The following SMIM7 variants were observed in gnomAD, a reference collection of about 807,000 sequenced individuals.
The protein encoded by SMIM7 is small integral membrane protein 7.
SMIM7 carries 12 observed loss-of-function variants against 13.3 expected under a neutral mutation model. The observed-to-expected ratio is 0.90, with a 90% CI of 0.58 to 1.46. SMIM7 has a LOEUF of 1.46. SMIM7 is among the 40% of genes most tolerant of loss of function. The probability of loss-of-function intolerance (pLI) is 0.00; values close to 1 mark genes in which losing one functional copy is unlikely to be tolerated. For synonymous variants in SMIM7, 36 were observed against 35.8 expected (o/e 1.01, Z -0.02); for missense variants, 114 against 94.8 (o/e 1.20, Z -0.84).
chr19:16,631,868 G>A (rs2086323794), intron 4 of SMIM7: 1 of 151,690 alleles, frequency 6.6e-6, no homozygotes, highest in Non-Finnish European at 1.5e-5. Context: ...ACAGGCGGGT[G>A]GAATTTTTTT....
At chr19:16,652,976 A>G in intron 4 of SMIM7, 1 of 1,549,942 alleles carries the variant, frequency 6.5e-7, no homozygotes, top group Non-Finnish European at 8.7e-7. Flanking sequence ...TGAGAAAATG[A>G]AAAGCCAGAA....
At position 16,647,435 on chromosome 19, in the gene SMIM7, C is replaced by T. The variant is rs186478994; in HGVS notation, c.213-174G>A. On this transcript the variant is annotated intron_variant, in intron 4 of 4. Transcript: ENST00000487416. ...TGTGAATATAATTAACAATACTGAA[C>T]TACACAGTTAAAAGAAGAATATACT... Among the ~76,000 whole-genome samples the T allele has an allele frequency of 6.1e-4, 93 of 151,666 alleles. No individual in the cohort carries two copies. The South Asian group carries it at 0.013, about 21-fold the overall frequency.
chr19:16,652,752 T>C, intron 4 of SMIM7: 1 of 1,459,538 alleles, frequency 6.9e-7, no homozygotes, highest in Admixed American at 2.7e-5. Context: ...ACATTCGGAG[T>C]CTCAATCACT....
rs533476783 is a variant in SMIM7, at chr19:16,648,840, T to C, written c.213-1579A>G. ...TGGGCAACATAGCGAAACCCAGTAC[T>C]TCTTGTAGAGACAAGAAGTACAAAA... is the stretch of plus-strand genomic sequence containing the variant. On this transcript the variant is annotated intron_variant, in intron 4 of 4. Coordinates refer to ENST00000487416, the MANE Select transcript of SMIM7 (RefSeq NM_024104.4). Among the ~76,000 whole-genome samples, 3 of 151,252 alleles carry C rather than the reference T, an allele frequency of 2.0e-5. No individual in the cohort carries two copies. In the East Asian group the frequency reaches 6.0e-4, roughly 30 times the overall value.
At chr19:16,633,047 G>A (rs185738456) in intron 4 of SMIM7, among the ~76,000 whole-genome samples, 37 of 152,328 alleles carry the variant, frequency 2.4e-4, no homozygotes, top group Middle Eastern at 3.4e-3. Context: ...ACTGTGATTA[G>A]TTCCCCACAA....
At chr19:16,636,830 G>A (rs2086364461) in intron 4 of SMIM7, among the ~76,000 whole-genome samples, 1 of 152,060 alleles carries the variant, frequency 6.6e-6, no homozygotes, top group South Asian at 2.1e-4. Flanking sequence ...GCATGTGCCT[G>A]TAGTCCCAGC....
chr19:16,650,319 A>G (rs1412516372), intron 4 of SMIM7, among the ~76,000 whole-genome samples: 1 of 152,226 alleles, frequency 6.6e-6, no homozygotes, highest in East Asian at 1.9e-4. Context: ...GTTATAGATG[A>G]CAGTGCTACT....
intron 3 of SMIM7, chr19:16,659,181 G>A (rs1403892472): frequency 3.2e-6 from 2 of 619,658 alleles, no homozygotes; most frequent in East Asian, 2.9e-5. Context: ...TACTAAGGGG[G>A]CTGAGGTGGA....
chr19:16,647,032 C>A lies in SMIM7; in HGVS notation c.*214G>T. On this transcript the variant is annotated 3_prime_UTR_variant, in exon 5 of 5. Transcript: ENST00000487416. Reference sequence around the variant, plus strand: ...GAAACCCTTTCAGTAGACAGCATTTCAATTCAGAGACCAAAGTGAAACTAT... The same window carrying A: ...GAAACCCTTTCAGTAGACAGCATTTAAATTCAGAGACCAAAGTGAAACTAT... 1 of 630,906 alleles carries A rather than the reference C, an allele frequency of 1.6e-6. No individual in the cohort carries two copies. Among genetic ancestry groups the A allele is most frequent in the Admixed American group, 2.9e-5 (1 of 34,886 alleles). 39.1% of individuals were successfully genotyped at this position (630,906 alleles called of 1,614,324 possible).
At chr19:16,641,871 GC>G (rs1159517475), downstream of SMIM7, among the ~76,000 whole-genome samples, 1 of 152,186 alleles carries the variant, frequency 6.6e-6, no homozygotes, top group Non-Finnish European at 1.5e-5. Context: ...GTGAGCCACC[GC>G]ACCCGGCTCC....
chr19:16,656,257 G>A (rs571528358), intron 3 of SMIM7, among the ~76,000 whole-genome samples: 4 of 152,240 alleles, frequency 2.6e-5, no homozygotes, highest in Admixed American at 6.5e-5. Flanking sequence ...GCGTGGTGGC[G>A]CGTGCCTGTA....
chr19:16,656,630 C>T (rs961897590), intron 3 of SMIM7, among the ~76,000 whole-genome samples: 3 of 151,282 alleles, frequency 2.0e-5, no homozygotes, highest in Admixed American at 6.6e-5. Context: ...CGGGTGCCGT[C>T]GCTCAAGTCT....
rs1300544300 is a variant in SMIM7 at position 16,646,852 on chromosome 19, G to C, written c.*394C>G. 3.9e-6 allele frequency: 1 copy of C among 257,380 alleles called. No individual in the cohort carries two copies. The highest frequency in any genetic ancestry group is 2.3e-5 in the African/African-American group (1 of 44,146). The allele number at this position is 257,380 out of a possible 1,614,324, so 15.9% of individuals were successfully genotyped here. A position where few individuals can be genotyped will look rare whatever the true frequency, so the allele number is the denominator to read the frequency against. On this transcript the variant is annotated 3_prime_UTR_variant, in exon 5 of 5. Coordinates refer to ENST00000487416, the MANE Select transcript of SMIM7 (RefSeq NM_024104.4). Reference sequence around the variant, plus strand: ...AACAGGGCCCCTGGCCGGGCCCAGAGGCTGTCAGACTCAGCAAGTAACACT... The same window carrying C: ...AACAGGGCCCCTGGCCGGGCCCAGACGCTGTCAGACTCAGCAAGTAACACT...
intron 4 of SMIM7, among the ~76,000 whole-genome samples, chr19:16,639,131 T>C (rs1443062237): frequency 6.6e-6 from 1 of 151,212 alleles, no homozygotes; most frequent in Non-Finnish European, 1.5e-5. Flanking sequence ...TTTTTTTTTT[T>C]TTTTTTTTGA....
chr19:16,641,324 G>A (rs1251838982), downstream of SMIM7: 1 of 147,646 alleles, frequency 6.8e-6, no homozygotes, highest in Non-Finnish European at 1.5e-5. Context: ...TTGAGATGGA[G>A]TTTCACTCTT....
intron 2 of SMIM7, 112 bp downstream of exon 2, chr19:16,659,847 G>C (rs867053319): frequency 7.1e-7 from 1 of 1,415,998 alleles, no homozygotes; most frequent in Non-Finnish European, 9.6e-7. Flanking sequence ...GGCGGATAGG[G>C]CGGGGCCTGC....
chr19:16,635,903 T>A (rs866022684), intron 4 of SMIM7, among the ~76,000 whole-genome samples: 7,113 of 115,298 alleles, frequency 0.062, 250 homozygotes, highest in East Asian at 0.097. Flanking sequence ...AAAAAAAATA[T>A]ATATATATAT....
Position 16,631,293 on chromosome 19 carries a change from G to A in SMIM7, c.*569C>T, listed in dbSNP as rs549961813. ...CCCAGCTACTTGGGAGGTAGAGGCA[G>A]GAGAATTGCATGAACCTGGGAGGCA... is the stretch of plus-strand genomic sequence containing the variant. On this transcript the variant is annotated 3_prime_UTR_variant and NMD_transcript_variant, in exon 5 of 5. Coordinates refer to the SMIM7 transcript ENST00000465250. The A allele has an allele frequency of 1.6e-4, 25 of 152,290 alleles. 1 individual carries two copies. The highest frequency in any genetic ancestry group is 5.8e-4 in the African/African-American group (24 of 41,532). The allele number at this position is 152,290 out of a possible 1,614,324, so 9.4% of individuals were successfully genotyped here.
intron 4 of SMIM7, among the ~76,000 whole-genome samples, chr19:16,633,465 GAAAA>G (rs869067591): frequency 2.1e-4 from 18 of 87,698 alleles, no homozygotes; most frequent in South Asian, 8.7e-4. Context: ...CAAAAAAAAA[GAAAA>G]AAAAAAAAAA....
Sources: gnomAD v4.1 joint callset for allele counts (sites outside exome capture counted in the v4.1 genomes callset) on GRCh38, gnomAD v4.1.1 for gene constraint, MANE v1.5 for transcripts, NCBI Gene and HGNC (gene_info 2026-07-23, HGNC 2026-07-21) for gene names.